FMNL2: variants seen among roughly 807,000 people sequenced by gnomAD.
The protein encoded by FMNL2 is formin-like protein 2.
In FMNL2, 51 loss-of-function variants were observed where a neutral mutation model predicts 130.2. The ratio of observed to expected loss-of-function variants is 0.39; its 90% CI spans 0.31 to 0.49. The LOEUF is 0.49. FMNL2 is among the 20% of genes least tolerant of loss of function. FMNL2 has a pLI of 0.85. For missense variants in FMNL2, 977 were observed against 1,316.2 expected (o/e 0.74, Z 3.99); for synonymous variants, 465 against 467.1 (o/e 1.00, Z 0.06).
chr2:152,421,422 A>C (rs1403975343), intron 1 of FMNL2, among the ~76,000 whole-genome samples: 1 of 152,216 alleles, frequency 6.6e-6, no homozygotes, highest in Non-Finnish European at 1.5e-5. Flanking sequence ...TGTTGGGACA[A>C]CAAATCAGTG....
Position 152,629,679 on chromosome 2 carries a change from A to G in FMNL2, c.2424A>G (p.Ala808=). Residue 808 remains alanine, a synonymous_variant, in exon 19 of 26, where the codon GCA becomes GCG. Transcript: ENST00000288670. The part of the protein sequence containing the change: ...LTPQLHAIIA[A]SVSIKSSQKL... ...AGCAACTACATGCGATTATAGCAGC[A>G]TCTGTCTCTATAAAGTCGTCCCAAA... The G allele has an allele frequency of 6.2e-7, 1 of 1,602,248 alleles. No individual in the cohort carries two copies. The highest frequency in any genetic ancestry group is 8.5e-7 in the Non-Finnish European group (1 of 1,173,734).
At chr2:152,413,657 A>C (rs1686444201) in intron 1 of FMNL2, among the ~76,000 whole-genome samples, 1 of 152,360 alleles carries the variant, frequency 6.6e-6, no homozygotes, top group African/African-American at 2.4e-5. Context: ...TGCAGGGTCT[A>C]ATGTGCATAT....
At chr2:152,490,583 G>GTGTGTA (rs1473153491) in intron 1 of FMNL2, among the ~76,000 whole-genome samples, 2 of 148,768 alleles carry the variant, frequency 1.3e-5, no homozygotes, top group African/African-American at 5.0e-5. Context: ...GTGTGTGTGT[G>GTGTGTA]TGTGTGTGTG....
chr2:152,590,030 TATAC>T (rs1697342420), intron 9 of FMNL2, among the ~76,000 whole-genome samples: 1 of 138,684 alleles, frequency 7.2e-6, no homozygotes, highest in African/African-American at 2.6e-5. Flanking sequence ...TATATATACA[TATAC>T]ATACATATAC....
chr2:152,449,891 C>T (rs556541264), intron 1 of FMNL2, among the ~76,000 whole-genome samples: 1 of 152,290 alleles, frequency 6.6e-6, no homozygotes, highest in Non-Finnish European at 1.5e-5. Flanking sequence ...AATGAGTTAT[C>T]ACCACCTTTA....
intron 16 of FMNL2, among the ~76,000 whole-genome samples, chr2:152,625,859 TAA>T (rs1457801520): frequency 6.6e-6 from 1 of 152,132 alleles, no homozygotes; most frequent in Non-Finnish European, 1.5e-5. Flanking sequence ...GAGAAAGACA[TAA>T]AAACTTTTGG....
At chr2:152,610,560 G>A (rs1311068585) in intron 10 of FMNL2, among the ~76,000 whole-genome samples, 1 of 152,142 alleles carries the variant, frequency 6.6e-6, no homozygotes, top group Admixed American at 6.5e-5. Flanking sequence ...ACAACATGTG[G>A]TCTTCTATAA....
chr2:152,503,015 T>A (rs552119675), intron 1 of FMNL2, among the ~76,000 whole-genome samples: 4 of 152,268 alleles, frequency 2.6e-5, no homozygotes, highest in Admixed American at 2.6e-4. Context: ...GGTTGACTGA[T>A]CTTCCTGTTG....
chr2:152,395,226 ATATTCAGCTGG>A (rs1050553360), intron 1 of FMNL2, among the ~76,000 whole-genome samples: 3 of 152,190 alleles, frequency 2.0e-5, no homozygotes, highest in African/African-American at 7.2e-5. Context: ...AAATGTCTGT[ATATTCAGCTGG>A]GTTGCCATGG....
intron 9 of FMNL2, among the ~76,000 whole-genome samples, chr2:152,601,675 T>C (rs1206050091): frequency 1.4e-5 from 2 of 144,240 alleles, no homozygotes; most frequent in African/African-American, 2.7e-5. Flanking sequence ...TTCTTTCTTT[T>C]TTTTTTTTTT....
chr2:152,461,441 T>G (rs552555269), intron 1 of FMNL2, among the ~76,000 whole-genome samples: 1 of 152,298 alleles, frequency 6.6e-6, no homozygotes, highest in Non-Finnish European at 1.5e-5. Flanking sequence ...GAATTTTTGT[T>G]GGAAATATTT....
At chr2:152,643,811 A>G (rs1683306830) in intron 25 of FMNL2, 1 of 985,470 alleles carries the variant, frequency 1.0e-6, no homozygotes, top group Non-Finnish European at 1.2e-6. Context: ...GAGCAAAAAT[A>G]TTAAGAGCAC....
intron 1 of FMNL2, among the ~76,000 whole-genome samples, chr2:152,395,012 A>G (rs1685315944): frequency 1.3e-5 from 2 of 152,242 alleles, no homozygotes; most frequent in Non-Finnish European, 2.9e-5. Flanking sequence ...ATTTTCTGAC[A>G]GCACTAAGAG....
chr2:152,563,847 C>A (rs1695662069), intron 6 of FMNL2, among the ~76,000 whole-genome samples: 1 of 152,140 alleles, frequency 6.6e-6, no homozygotes. Flanking sequence ...AGTTCCATTG[C>A]CACTAGAGCT....
In FMNL2 at chr2:152,644,810, A is replaced by G. The variant is rs1683398849; in HGVS notation, c.3170-2986A>G. 2.0e-5 allele frequency among the ~76,000 whole-genome samples: 3 copies of G among 152,202 alleles called. No homozygotes were observed. In the South Asian group the frequency reaches 6.2e-4, roughly 32 times the overall value. ...ATACTAACAGCAAATATCATTGGAA[A>G]ATGCCACTGTTTTTAAATTGGGGGG... On this transcript the variant is annotated intron_variant, in intron 25 of 25. Transcript: ENST00000288670.
At chr2:152,643,651 G>C in intron 25 of FMNL2, 1 of 1,460,496 alleles carries the variant, frequency 6.8e-7, no homozygotes, top group South Asian at 1.4e-5. Flanking sequence ...ATTTTGTGTT[G>C]TTCTCATGCT....
intron 9 of FMNL2, among the ~76,000 whole-genome samples, chr2:152,588,880 C>G (rs1177898213): frequency 6.6e-6 from 1 of 152,058 alleles, no homozygotes; most frequent in African/African-American, 2.4e-5. Flanking sequence ...AGAATTTGCT[C>G]ATATGTTTTG....
chr2:152,471,468 C>T (rs1404793095), intron 1 of FMNL2, among the ~76,000 whole-genome samples: 1 of 141,994 alleles, frequency 7.0e-6, no homozygotes, highest in Non-Finnish European at 1.5e-5. Flanking sequence ...GTTTCCTGTA[C>T]CTAGCACTTG....
At chr2:152,518,450 G>T (rs1037518807) in intron 1 of FMNL2, among the ~76,000 whole-genome samples, 1 of 152,212 alleles carries the variant, frequency 6.6e-6, no homozygotes, top group African/African-American at 2.4e-5. Context: ...CTTGTTCAGA[G>T]ATTCAGACCT....
Sources: gnomAD v4.1 joint callset for allele counts (sites outside exome capture counted in the v4.1 genomes callset) on GRCh38, gnomAD v4.1.1 for gene constraint, MANE v1.5 for transcripts, NCBI Gene and HGNC (gene_info 2026-07-23, HGNC 2026-07-21) for gene names.